The following NUBPL variants were observed in gnomAD, a reference collection of about 807,000 sequenced individuals.
The protein encoded by NUBPL is iron-sulfur cluster transfer protein NUBPL.
In NUBPL, 31 loss-of-function variants were observed where a neutral mutation model predicts 45.7. The ratio of observed to expected loss-of-function variants is 0.68; its 90% CI spans 0.51 to 0.92. NUBPL has a LOEUF of 0.92. Ranked by LOEUF, NUBPL falls within the 40% of genes least tolerant of loss-of-function variation. The pLI, the probability that NUBPL is intolerant of heterozygous loss-of-function variation, is 0.00. For missense variants in NUBPL, 401 were observed against 398.7 expected (o/e 1.01, Z -0.05); for synonymous variants, 144 against 140.9 (o/e 1.02, Z -0.15).
chr14:31,830,263 A>G (rs1189479928), intron 8 of NUBPL, among the ~76,000 whole-genome samples: 2 of 152,250 alleles, frequency 1.3e-5, no homozygotes, highest in Non-Finnish European at 2.9e-5. Flanking sequence ...TCTATAAGCA[A>G]AGTGCTATAA....
intron 6 of NUBPL, among the ~76,000 whole-genome samples, chr14:31,690,902 T>G (rs1168043442): frequency 6.6e-6 from 1 of 152,212 alleles, no homozygotes; most frequent in African/African-American, 2.4e-5. Context: ...TAGAAGAAAC[T>G]GTGCCAGGAA....
At chr14:31,747,091 A>G (rs1333843773) in intron 6 of NUBPL, among the ~76,000 whole-genome samples, 1 of 150,662 alleles carries the variant, frequency 6.6e-6, no homozygotes. Flanking sequence ...AAAAAAAAAA[A>G]AAGAGTTTGA....
At chr14:31,715,830 A>G (rs1194977381) in intron 6 of NUBPL, among the ~76,000 whole-genome samples, 1 of 152,214 alleles carries the variant, frequency 6.6e-6, no homozygotes, top group East Asian at 1.9e-4. Context: ...TCTCTCAATT[A>G]TAAATCTGCC....
intron 4 of NUBPL, among the ~76,000 whole-genome samples, chr14:31,620,835 C>T (rs186407281): frequency 2.1e-4 from 32 of 152,316 alleles, no homozygotes; most frequent in African/African-American, 7.2e-4. Flanking sequence ...CTGCTCTCTT[C>T]AGAGCTGTTA....
chr14:31,666,251 A>T (rs1008434088), intron 4 of NUBPL, among the ~76,000 whole-genome samples: 6,071 of 30,370 alleles, frequency 0.2, 541 homozygotes, highest in African/African-American at 0.36. Flanking sequence ...ATATATATAT[A>T]TATATATATA....
chr14:31,673,382 A>G lies in NUBPL; in HGVS notation c.410A>G (p.Tyr137Cys). Residue 137 changes from tyrosine to cysteine, a missense_variant, in exon 5 of 11, where the codon TAT becomes TGT. By Grantham distance (194) the Tyr-to-Cys change is radical. Transcript: ENST00000281081. ...AACCTAATGAGGCCTCTCTTGAATTATGGTATTGCTTGGTGAGCATATATA... is the reference window on the plus strand; with the variant it reads ...AACCTAATGAGGCCTCTCTTGAATTGTGGTATTGCTTGGTGAGCATATATA... ...QSNLMRPLLN[Y>C]GIACMSMGFL... 6.2e-7 allele frequency: 1 copy of G among 1,606,578 alleles called. No homozygotes were observed. Among genetic ancestry groups the G allele is most frequent in the African/African-American group, 1.3e-5 (1 of 74,522 alleles).
intron 8 of NUBPL, among the ~76,000 whole-genome samples, chr14:31,841,917 CTTTTTTTTTTTTTTTTTTT>C (rs547795007): frequency 1.6e-4 from 7 of 43,050 alleles, no homozygotes; most frequent in African/African-American, 5.5e-4. Flanking sequence ...CGATTCTGGG[CTTTTTTTTTTTTTTTTTTT>C]TTTTTTTTTT....
intron 3 of NUBPL, among the ~76,000 whole-genome samples, chr14:31,593,335 A>G (rs1221673045): frequency 2.0e-5 from 3 of 151,852 alleles, no homozygotes; most frequent in Non-Finnish European, 4.4e-5. Context: ...AACACGGTGA[A>G]ACCCCATCTC....
chr14:31,851,235 CTTTTTTTT>C lies in NUBPL; in HGVS notation c.897+1042_897+1049del, dbSNP rs10611566. Among the ~76,000 whole-genome samples, 5 of 139,100 alleles carry C rather than the reference CTTTTTTTT, an allele frequency of 3.6e-5. No homozygotes were observed. The South Asian group carries it at 9.3e-4, about 26-fold the overall frequency. The allele number at this position is 139,100 out of a possible 152,430, so 91.3% of individuals were successfully genotyped here. A position where few individuals can be genotyped will look rare whatever the true frequency, so the allele number is the denominator to read the frequency against. ...CCCAATCAATCTTCTAATAGTTTTT[CTTTTTTTT>C]TTTTTTTCTTTTCCTTAACTAATGG... On this transcript the variant is annotated intron_variant, in intron 10 of 10. Coordinates refer to ENST00000281081, the MANE Select transcript of NUBPL (RefSeq NM_025152.3).
At chr14:31,789,218 C>T (rs543527836) in intron 7 of NUBPL, among the ~76,000 whole-genome samples, 3 of 151,688 alleles carry the variant, frequency 2.0e-5, no homozygotes, top group Admixed American at 1.3e-4. Flanking sequence ...CCCAGCTACT[C>T]GGGAGGCTGA....
chr14:31,719,819 GT>G (rs2037770112), intron 6 of NUBPL, among the ~76,000 whole-genome samples: 1 of 152,056 alleles, frequency 6.6e-6, no homozygotes, highest in African/African-American at 2.4e-5. Flanking sequence ...ATATCTACCA[GT>G]GCATACAATG....
At chr14:31,754,533 G>C (rs933985971) in intron 6 of NUBPL, among the ~76,000 whole-genome samples, 4 of 148,358 alleles carry the variant, frequency 2.7e-5, no homozygotes, top group African/African-American at 9.8e-5. Context: ...TTAAAGGAAA[G>C]ATAATCTATA....
intron 2 of NUBPL, among the ~76,000 whole-genome samples, chr14:31,563,597 A>C (rs935131870): frequency 6.6e-5 from 10 of 152,288 alleles, no homozygotes; most frequent in African/African-American, 2.4e-4. Flanking sequence ...GGTATTATTA[A>C]TATATTTCTT....
intron 6 of NUBPL, among the ~76,000 whole-genome samples, chr14:31,777,994 TC>T (rs1311453697): frequency 6.6e-6 from 1 of 152,210 alleles, no homozygotes; most frequent in Non-Finnish European, 1.5e-5. Flanking sequence ...TCAGAAACCT[TC>T]CTGTGCAGCT....
chr14:31,672,199 A>ATTTTTATAC (rs2036586052), intron 4 of NUBPL, among the ~76,000 whole-genome samples: 1 of 151,572 alleles, frequency 6.6e-6, no homozygotes, highest in South Asian at 2.1e-4. Context: ...ACTTTTGTGG[A>ATTTTTATAC]TTTTTATACT....
At chr14:31,806,273 G>A (rs1301383260) in intron 7 of NUBPL, among the ~76,000 whole-genome samples, 1 of 152,234 alleles carries the variant, frequency 6.6e-6, no homozygotes. Flanking sequence ...TAGGGTAATG[G>A]TAATCAGAGA....
chr14:31,819,957 G>A (rs1317496971), intron 7 of NUBPL, among the ~76,000 whole-genome samples: 9 of 151,852 alleles, frequency 5.9e-5, no homozygotes, highest in Non-Finnish European at 7.4e-5. Context: ...TGGCTAACAC[G>A]GTGAAACCCC....
Position 31,820,810 on chromosome 14 carries a change from G to A in NUBPL, c.608-5819G>A, listed in dbSNP as rs1274463576. Among the ~76,000 whole-genome samples the A allele has an allele frequency of 5.8e-5, 8 of 137,712 alleles. No individual in the cohort carries two copies. The East Asian group carries it at 1.7e-3, about 30-fold the overall frequency. 90.3% of individuals were successfully genotyped at this position (137,712 alleles called of 152,430 possible). On this transcript the variant is annotated intron_variant, in intron 7 of 10. Transcript: ENST00000281081. ...TTGGCACTCCAGCCTGGGCAACAGA[G>A]CAAGACTCCGTCTCAAAAAAAAAAA...
intron 4 of NUBPL, among the ~76,000 whole-genome samples, chr14:31,659,827 T>A (rs2036226555): frequency 6.6e-6 from 1 of 152,124 alleles, no homozygotes; most frequent in African/African-American, 2.4e-5. Flanking sequence ...TCTGTCCACA[T>A]GAGAAAATGA....
Sources: gnomAD v4.1 joint callset for allele counts (sites outside exome capture counted in the v4.1 genomes callset) on GRCh38, gnomAD v4.1.1 for gene constraint, MANE v1.5 for transcripts, NCBI Gene and HGNC (gene_info 2026-07-23, HGNC 2026-07-21) for gene names.